Variants in PDCD11 observed in about 807,000 individuals in gnomAD.
PDCD11 encodes programmed cell death 11, also known as protein RRP5 homolog.
PDCD11 carries 97 observed loss-of-function variants against 198.9 expected under a neutral mutation model. That is an observed-to-expected ratio of 0.49 (90% CI 0.41 to 0.58). PDCD11 has a LOEUF of 0.58. Among genes scored for constraint, PDCD11 ranks in the 20% least tolerant of loss-of-function variants. The pLI is 0.00. For missense variants in PDCD11, 2,102 were observed against 2,312.7 expected, an observed-to-expected ratio of 0.91 and a Z score of 1.87; for synonymous variants, 893 against 918.0, an observed-to-expected ratio of 0.97 and a Z score of 0.49.
rs780450546 is a variant in PDCD11, at chr10:103,423,617, G to A, written c.2722G>A (p.Val908Ile). 1.5e-5 allele frequency: 24 copies of A among 1,613,798 alleles called. No homozygotes were observed. In the East Asian group the frequency reaches 2.2e-4, roughly 15 times the overall value. Residue 908 changes from valine to isoleucine, a missense_variant, in exon 19 of 36, where the codon GTT becomes ATT. Coordinates refer to ENST00000369797, the MANE Select transcript of PDCD11 (RefSeq NM_014976.2). ...NVDLLKLEVH[V>I]SLHQDLVNRK... ...TGATCTTTTGAAGTTGGAAGTGCAC[G>A]TTTCCCTTCACCAGGACTTGGTGAA...
intron 15 of PDCD11, among the ~76,000 whole-genome samples, chr10:103,419,292 A>G (rs1473242965): frequency 6.6e-6 from 1 of 152,108 alleles, no homozygotes; most frequent in Non-Finnish European, 1.5e-5. Flanking sequence ...TGTAGTGTGC[A>G]GTTGGGCCAT....
intron 8 of PDCD11, among the ~76,000 whole-genome samples, chr10:103,412,603 A>G (rs2030867567): frequency 6.6e-6 from 1 of 152,168 alleles, no homozygotes; most frequent in Non-Finnish European, 1.5e-5. Flanking sequence ...CTGGGATTAT[A>G]GGCATCAGCC....
chr10:103,416,486 C>T lies in PDCD11; in HGVS notation c.1519-5C>T. The T allele has an allele frequency of 3.1e-6, 5 of 1,613,878 alleles. No homozygotes were observed. Among genetic ancestry groups the T allele is most frequent in the South Asian group, 1.1e-5 (1 of 91,048 alleles). On this transcript the variant is annotated splice_region_variant and splice_polypyrimidine_tract_variant and intron_variant, in intron 12 of 35. Transcript: ENST00000369797. ...ACTTGATGACAGCCTGTGTCCCTCC[C>T]CTAGGTTTTGCTTTGTGACCCTGAA...
At chr10:103,427,841 G>C (rs1240240001) in intron 21 of PDCD11, among the ~76,000 whole-genome samples, 2 of 152,166 alleles carry the variant, frequency 1.3e-5, no homozygotes, top group Non-Finnish European at 2.9e-5. Flanking sequence ...ACTCTGTGGG[G>C]AGGAGAACGA....
At chr10:103,417,328 T>C (rs1478777077) in intron 13 of PDCD11, among the ~76,000 whole-genome samples, 5 of 152,112 alleles carry the variant, frequency 3.3e-5, no homozygotes, top group Non-Finnish European at 5.9e-5. Context: ...TGTGCCGGCA[T>C]ACCCGGCTAA....
intron 19 of PDCD11, among the ~76,000 whole-genome samples, chr10:103,424,696 G>C (rs1354560787): frequency 6.6e-6 from 1 of 152,196 alleles, no homozygotes; most frequent in Non-Finnish European, 1.5e-5. Flanking sequence ...TCAATAACTT[G>C]TAAAATTCAG....
rs550873291 is a variant in PDCD11 at position 103,427,265 on chromosome 10, C to T, written c.3306-64C>T. The T allele has an allele frequency of 2.8e-6, 4 of 1,442,348 alleles. No individual in the cohort carries two copies. In the East Asian group the frequency reaches 9.1e-5, roughly 33 times the overall value. 89.3% of individuals were successfully genotyped at this position (1,442,348 alleles called of 1,614,324 possible). A position where few individuals can be genotyped will look rare whatever the true frequency, so the allele number is the denominator to read the frequency against. Reference sequence around the variant, plus strand: ...GTTTGGTGGAGAGTAGGGAGAAATCCTGACCTACAGATTACTGTGTTACAG... The same window carrying T: ...GTTTGGTGGAGAGTAGGGAGAAATCTTGACCTACAGATTACTGTGTTACAG... On this transcript the variant is annotated intron_variant, in intron 20 of 35. Coordinates refer to ENST00000369797, the MANE Select transcript of PDCD11 (RefSeq NM_014976.2).
At chr10:103,401,978 G>A (rs2030102805) in intron 3 of PDCD11, among the ~76,000 whole-genome samples, 1 of 152,102 alleles carries the variant, frequency 6.6e-6, no homozygotes, top group Non-Finnish European at 1.5e-5. Context: ...TCCTGACCTT[G>A]TAATCTGCCC....
intron 9 of PDCD11, among the ~76,000 whole-genome samples, chr10:103,413,615 G>A (rs2030932826): frequency 5.3e-5 from 8 of 152,122 alleles, no homozygotes; most frequent in Admixed American, 5.2e-4. Flanking sequence ...AATACTTTAG[G>A]CTGTGGGCCC....
At position 103,438,601 on chromosome 10, in the gene PDCD11, C is replaced by T. The variant is rs576415894; in HGVS notation, c.3903-85C>T. 18 of 1,540,306 alleles carry T rather than the reference C, an allele frequency of 1.2e-5. No individual in the cohort carries two copies. The East Asian group carries it at 2.9e-4, about 25-fold the overall frequency. On this transcript the variant is annotated intron_variant, in intron 26 of 35. Transcript: ENST00000369797. ...AGGTCCAGAGTCATATTCTTATTTA[C>T]TAAGTATGATGGTTGCAGGTGTATT...
Position 103,439,689 on chromosome 10 carries a change from G to A in PDCD11, c.4026-57G>A, listed in dbSNP as rs2133749144. On this transcript the variant is annotated intron_variant, in intron 27 of 35. Coordinates refer to ENST00000369797, the MANE Select transcript of PDCD11 (RefSeq NM_014976.2). ...CTGTGAGAGTGAAGTCCCGAGGCCT[G>A]GTTGGAATTCTGTTGTTGCATTTGT... The A allele has an allele frequency of 3.1e-6, 5 of 1,609,108 alleles. No individual in the cohort carries two copies. The South Asian group carries it at 5.5e-5, about 18-fold the overall frequency.
chr10:103,397,437 TCTC>T (rs1188161993), intron 1 of PDCD11, among the ~76,000 whole-genome samples: 3 of 152,100 alleles, frequency 2.0e-5, no homozygotes, highest in African/African-American at 7.2e-5. Flanking sequence ...AAGCCCAACT[TCTC>T]CTTTAATTTT....
Position 103,421,530 on chromosome 10 carries a change from G to A in PDCD11, c.2460G>A (p.Glu820=), listed in dbSNP as rs143885184. ...TCCTCCTCCTGAATCAGTGCCTGGA[G>A]GAGCTGCAGGGCGTGCGCAGCCTTA... ...TSLLLLNQCL[E]ELQGVRSLMS... Residue 820 remains glutamate (E), a synonymous_variant, in exon 17 of 36, where the codon GAG becomes GAA. Coordinates refer to ENST00000369797, the MANE Select transcript of PDCD11 (RefSeq NM_014976.2). 1 of 1,574,734 alleles carries A rather than the reference G, an allele frequency of 6.4e-7. No individual in the cohort carries two copies. Among genetic ancestry groups the A allele is most frequent in the Non-Finnish European group, 8.6e-7 (1 of 1,159,384 alleles).
chr10:103,396,992 A>G (rs1001056807), intron 1 of PDCD11, among the ~76,000 whole-genome samples: 1 of 152,148 alleles, frequency 6.6e-6, no homozygotes, highest in African/African-American at 2.4e-5. Flanking sequence ...GGGTGAAATT[A>G]TCAGCAAACT....
intron 18 of PDCD11, 129 bp downstream of exon 18, chr10:103,423,266 T>G: frequency 1.1e-5 from 10 of 925,112 alleles, no homozygotes; most frequent in Non-Finnish European, 1.4e-5. Context: ...TTGGCATGCC[T>G]ATCTTGTGTG....
intron 21 of PDCD11, among the ~76,000 whole-genome samples, chr10:103,429,616 C>T (rs2031841262): frequency 6.6e-6 from 1 of 151,966 alleles, no homozygotes; most frequent in South Asian, 2.1e-4. Flanking sequence ...TAATTTTTTA[C>T]AGTAAAAAAT....
At chr10:103,410,354 A>G (rs2030721791) in intron 8 of PDCD11, among the ~76,000 whole-genome samples, 1 of 151,984 alleles carries the variant, frequency 6.6e-6, no homozygotes, top group Non-Finnish European at 1.5e-5. Context: ...ATAGTCTTCC[A>G]TATAGTTTGA....
intron 9 of PDCD11, 104 bp from the exon 10 acceptor site, chr10:103,413,862 T>G (rs2030944771): frequency 8.9e-7 from 1 of 1,118,558 alleles, no homozygotes; most frequent in African/African-American, 1.6e-5. Flanking sequence ...AAGTACTGTT[T>G]TTATGGTACA....
chr10:103,401,529 A>C (rs1483965266), intron 3 of PDCD11, among the ~76,000 whole-genome samples: 3 of 152,208 alleles, frequency 2.0e-5, no homozygotes, highest in Non-Finnish European at 2.9e-5. Flanking sequence ...TTGGCCTCCC[A>C]AAGTGCTGGA....
Sources: allele counts gnomAD v4.1 joint callset (sites outside exome capture counted in the v4.1 genomes callset), GRCh38; gene constraint gnomAD v4.1.1; transcripts MANE v1.5; gene names NCBI Gene and HGNC (gene_info 2026-07-23, HGNC 2026-07-21).